Variants in STK32B observed in about 807,000 individuals in gnomAD.
The protein encoded by STK32B is serine/threonine kinase 32B, also known as serine/threonine-protein kinase 32B.
Under a neutral mutation model 52.6 loss-of-function variants are expected in STK32B, and 43 were observed. The observed-to-expected ratio is 0.82, with a 90% CI of 0.64 to 1.05. The LOEUF (loss-of-function observed/expected upper bound fraction) is 1.05, where lower values mean the gene tolerates loss of function less well. STK32B is among the 50% of genes least tolerant of loss of function. The pLI is 0.00. For synonymous variants in STK32B, 238 were observed against 204.3 expected, an observed-to-expected ratio of 1.17 and a Z score of -1.41; for missense variants, 621 against 534.6, an observed-to-expected ratio of 1.16 and a Z score of -1.59.
rs73794768 is a variant in STK32B, at chr4:5,076,462, C to T, written c.52+24547C>T. ...CCTTGCATTCATGATAATTTCCTTA[C>T]AGTTGTCAATTCCCCAGAGTGGAAT... On this transcript the variant is annotated intron_variant, in intron 1 of 11. Coordinates refer to ENST00000282908, the MANE Select transcript of STK32B (RefSeq NM_018401.3). 8.8e-3 allele frequency among the ~76,000 whole-genome samples: 1,342 copies of T among 152,210 alleles called. 25 individuals carry two copies. Among genetic ancestry groups the T allele is most frequent in the African/African-American group, 0.03 (1,258 of 41,520 alleles).
chr4:5,148,559 T>C (rs970950895), intron 2 of STK32B, among the ~76,000 whole-genome samples: 3 of 151,816 alleles, frequency 2.0e-5, no homozygotes, highest in Non-Finnish European at 3.0e-5. Flanking sequence ...TTTATTGTTA[T>C]TGGTTCTAAT....
At position 5,391,509 on chromosome 4, in the gene STK32B, G is replaced by A. The variant is rs75223643; in HGVS notation, c.435-6698G>A. 5.7e-3 allele frequency among the ~76,000 whole-genome samples: 869 copies of A among 152,340 alleles called. 4 individuals are homozygous for A. The highest frequency in any genetic ancestry group is 0.02 in the African/African-American group (824 of 41,572). On this transcript the variant is annotated intron_variant, in intron 4 of 11. Transcript: ENST00000282908. ...TGCAACCCTTGACAATATCCCAGGA[G>A]AAGATTGCAACTGAGCTGTATCCTG...
At chr4:5,154,256 C>T (rs991470528) in intron 2 of STK32B, among the ~76,000 whole-genome samples, 1 of 144,844 alleles carries the variant, frequency 6.9e-6, no homozygotes, top group Admixed American at 7.1e-5. Flanking sequence ...GCTCTTGTTG[C>T]CCAGGCTGGA....
At chr4:5,212,838 G>A (rs760184464) in intron 3 of STK32B, among the ~76,000 whole-genome samples, 24 of 152,166 alleles carry the variant, frequency 1.6e-4, no homozygotes, top group Non-Finnish European at 3.4e-4. Flanking sequence ...AGATCTCGAT[G>A]AGTGAGAGGA....
intron 1 of STK32B, among the ~76,000 whole-genome samples, chr4:5,068,418 C>T (rs1711551674): frequency 6.6e-6 from 1 of 152,090 alleles, no homozygotes; most frequent in Non-Finnish European, 1.5e-5. Flanking sequence ...ATAATGGCCC[C>T]CAGTTCAAGC....
intron 4 of STK32B, among the ~76,000 whole-genome samples, chr4:5,334,216 G>A (rs7441119): frequency 0.32 from 47,951 of 151,360 alleles, 12,082 homozygotes; most frequent in African/African-American, 0.69. Flanking sequence ...TGGATTCCTA[G>A]GTATTTTATT....
chr4:5,274,753 C>G (rs1281787431), intron 3 of STK32B, among the ~76,000 whole-genome samples: 2 of 152,086 alleles, frequency 1.3e-5, no homozygotes, highest in East Asian at 3.9e-4. Flanking sequence ...TGCAACTGCA[C>G]TCTTCTGTGT....
chr4:5,406,427 G>A (rs892278946), intron 5 of STK32B, among the ~76,000 whole-genome samples: 2 of 152,136 alleles, frequency 1.3e-5, no homozygotes, highest in Admixed American at 6.5e-5. Context: ...CAGTGCCCCA[G>A]TGGGGACTTT....
At chr4:5,496,735 A>C (rs1326036893) in intron 11 of STK32B, among the ~76,000 whole-genome samples, 2 of 152,134 alleles carry the variant, frequency 1.3e-5, no homozygotes, top group Non-Finnish European at 2.9e-5. Flanking sequence ...CTGTCCTTGA[A>C]GATCAAAATG....
At chr4:5,114,064 A>G (rs981594186) in intron 1 of STK32B, among the ~76,000 whole-genome samples, 1 of 152,070 alleles carries the variant, frequency 6.6e-6, no homozygotes, top group Non-Finnish European at 1.5e-5. Context: ...ATTGTGAAGG[A>G]TACAATTCAA....
intron 3 of STK32B, among the ~76,000 whole-genome samples, chr4:5,227,570 T>C (rs1354840459): frequency 6.6e-6 from 1 of 152,258 alleles, no homozygotes; most frequent in Non-Finnish European, 1.5e-5. Context: ...AAATACATTC[T>C]GATATTTTTC....
rs77207893 is a variant in STK32B, at chr4:5,151,027, T to A, written c.108+11067T>A. Among the ~76,000 whole-genome samples, 238 of 152,288 alleles carry A rather than the reference T, an allele frequency of 1.6e-3. 4 individuals are homozygous for A. In the East Asian group the frequency reaches 0.037, roughly 24 times the overall value. On this transcript the variant is annotated intron_variant, in intron 2 of 11. Transcript: ENST00000282908. ...TAGGACATACTACCAAATCTGTTAG[T>A]GTGTGGCCTCAAGATTTTCAAATTG... is the stretch of plus-strand genomic sequence containing the variant.
At chr4:5,025,287 AT>A in the STK32B span, among the ~76,000 whole-genome samples, 2 of 151,828 alleles carry the variant, frequency 1.3e-5, no homozygotes, top group African/African-American at 4.8e-5. Flanking sequence ...GGTCCACTTG[AT>A]CCCCCATAGT....
rs542787270 is a variant in STK32B at position 5,295,057 on chromosome 4, T to C, written c.261-36163T>C. On this transcript the variant is annotated intron_variant, in intron 3 of 11. Coordinates refer to ENST00000282908, the MANE Select transcript of STK32B (RefSeq NM_018401.3). Reference sequence around the variant, plus strand: ...CATGTGGTTTTTGTCATTGGCTATGTTTATGTGATGGATTACATTTATTGT... The same window carrying C: ...CATGTGGTTTTTGTCATTGGCTATGCTTATGTGATGGATTACATTTATTGT... Among the ~76,000 whole-genome samples, 39 of 152,302 alleles carry C rather than the reference T, an allele frequency of 2.6e-4. 1 individual carries two copies. In the South Asian group the frequency reaches 3.5e-3, roughly 14 times the overall value.
chr4:5,498,908 T>G, intron 11 of STK32B, 37 bp from the exon 12 acceptor site: 2 of 1,585,572 alleles, frequency 1.3e-6, no homozygotes, highest in South Asian at 2.3e-5. Flanking sequence ...CACAACCCCA[T>G]GCCGCACCAC....
chr4:5,407,297 C>T (rs947321390), intron 5 of STK32B, among the ~76,000 whole-genome samples: 1 of 152,134 alleles, frequency 6.6e-6, no homozygotes, highest in Non-Finnish European at 1.5e-5. Context: ...GCATTTTGGT[C>T]ACAATTTAAC....
At chr4:5,372,381 G>A (rs915673809) in intron 4 of STK32B, among the ~76,000 whole-genome samples, 5 of 152,094 alleles carry the variant, frequency 3.3e-5, no homozygotes, top group African/African-American at 1.2e-4. Context: ...TTAATTTACC[G>A]AAAATGCCAT....
At chr4:5,100,014 A>C (rs1198829712) in intron 1 of STK32B, among the ~76,000 whole-genome samples, 2 of 151,996 alleles carry the variant, frequency 1.3e-5, no homozygotes, top group Non-Finnish European at 2.9e-5. Context: ...AAAAAAAAAA[A>C]CACTGAATAG....
chr4:5,082,059 C>T (rs1357923618), intron 1 of STK32B, among the ~76,000 whole-genome samples: 2 of 152,126 alleles, frequency 1.3e-5, no homozygotes, highest in African/African-American at 4.8e-5. Context: ...TACTAGTCAG[C>T]CCAGCTAGGA....
Sources: gnomAD v4.1 joint callset for allele counts (sites outside exome capture counted in the v4.1 genomes callset) on GRCh38, gnomAD v4.1.1 for gene constraint, MANE v1.5 for transcripts, NCBI Gene and HGNC (gene_info 2026-07-23, HGNC 2026-07-21) for gene names.